CFAP47: variants seen among roughly 807,000 people sequenced by gnomAD.
CFAP47 encodes cilia- and flagella-associated protein 47.
CFAP47 carries 29 observed loss-of-function variants against 148.1 expected under a neutral mutation model. The observed-to-expected ratio is 0.20, with a 90% CI of 0.15 to 0.27. CFAP47 has a LOEUF of 0.27. Ranked by LOEUF, CFAP47 falls within the 10% of genes least tolerant of loss-of-function variation. The probability of loss-of-function intolerance (pLI) is 1.00; values close to 1 mark genes in which losing one functional copy is unlikely to be tolerated. For missense variants in CFAP47, 1,872 were observed against 1,697.5 expected, an observed-to-expected ratio of 1.10 and a Z score of -1.81; for synonymous variants, 664 against 577.3, an observed-to-expected ratio of 1.15 and a Z score of -2.15.
chrX:36,102,951 T>A (rs184656709), intron 32 of CFAP47, among the ~76,000 whole-genome samples: 64 of 111,981 alleles, frequency 5.7e-4, no homozygotes, highest in African/African-American at 1.9e-3. Flanking sequence ...TGGATTTTTT[T>A]AATCAAATTT....
chrX:36,026,055 T>C (rs1937212622), intron 22 of CFAP47, among the ~76,000 whole-genome samples: 1 of 111,990 alleles, frequency 8.9e-6, no homozygotes, highest in African/African-American at 3.2e-5. Context: ...AAAGTACATA[T>C]GTAACGCATT....
At chrX:36,153,187 A>G (rs758091652) in intron 37 of CFAP47, among the ~76,000 whole-genome samples, 110 of 112,196 alleles carry the variant, frequency 9.8e-4, no homozygotes, top group African/African-American at 3.5e-3. Flanking sequence ...CCAAAATACA[A>G]TGATGGAATA....
intron 24 of CFAP47, 102 bp downstream of exon 24, chrX:36,035,956 CTTT>C (rs1475541735): frequency 3.8e-6 from 1 of 264,508 alleles, no homozygotes; most frequent in African/African-American, 2.8e-5. Flanking sequence ...TTTGTTATTT[CTTT>C]TAATTTGAAT....
intron 51 of CFAP47, among the ~76,000 whole-genome samples, chrX:36,295,398 G>T (rs782006273): frequency 1.8e-5 from 2 of 112,294 alleles, no homozygotes; most frequent in South Asian, 3.7e-4. Context: ...TTCTCATTTA[G>T]TAAGAGTTCT....
intron 44 of CFAP47, among the ~76,000 whole-genome samples, chrX:36,201,845 G>A (rs1240880331): frequency 1.8e-5 from 2 of 110,495 alleles, no homozygotes; most frequent in South Asian, 3.9e-4. Flanking sequence ...ATCACTAGGA[G>A]GGGGTGGGTA....
At chrX:36,130,145 T>C (rs773867910) in intron 33 of CFAP47, among the ~76,000 whole-genome samples, 1 of 110,568 alleles carries the variant, frequency 9.0e-6, no homozygotes, top group African/African-American at 3.3e-5. Flanking sequence ...CCCACAGAAA[T>C]GGGAGAAAAC....
intron 62 of CFAP47, among the ~76,000 whole-genome samples, chrX:36,372,003 T>C (rs1371028749): frequency 2.9e-5 from 3 of 103,960 alleles, no homozygotes; most frequent in Non-Finnish European, 4.0e-5. Context: ...TGTGTATATA[T>C]GTGTGTATCT....
Position 36,274,472 on chromosome X carries a change from A to G in CFAP47, c.7445-6015A>G, listed in dbSNP as rs1190735952. ...TGTCAACTTATGATATTTTCAACTT[A>G]TGATCATTTTACCAGGATATAAGCC... On this transcript the variant is annotated intron_variant, in intron 49 of 63. Transcript: ENST00000378653. Among the ~76,000 whole-genome samples, 4 of 111,617 alleles carry G rather than the reference A, an allele frequency of 3.6e-5. No individual in the cohort carries two copies. The Admixed American group carries it at 3.8e-4, about 11-fold the overall frequency.
chrX:35,937,828 A>T (rs2146628019), intron 2 of CFAP47, among the ~76,000 whole-genome samples: 1 of 111,425 alleles, frequency 9.0e-6, no homozygotes, highest in East Asian at 2.8e-4. Flanking sequence ...TCAGACATGT[A>T]ATGAACCTTC....
intron 33 of CFAP47, among the ~76,000 whole-genome samples, chrX:36,109,018 C>G (rs987567839): frequency 1.4e-4 from 16 of 111,001 alleles, no homozygotes; most frequent in African/African-American, 4.6e-4. Context: ...GTGTTCTCAT[C>G]ATTTAGCTCC....
intron 52 of CFAP47, among the ~76,000 whole-genome samples, chrX:36,300,350 C>T (rs1263437370): frequency 9.3e-6 from 1 of 107,841 alleles, no homozygotes; most frequent in Non-Finnish European, 1.9e-5. Context: ...AGTGCAGTGG[C>T]GTGATCTCAG....
chrX:36,296,672 C>A (rs782052423), intron 51 of CFAP47, among the ~76,000 whole-genome samples: 1 of 112,122 alleles, frequency 8.9e-6, no homozygotes, highest in Admixed American at 9.5e-5. Context: ...TTCTGTTGAA[C>A]GGACACTGAT....
At chrX:36,072,457 G>C (rs1937773785) in intron 28 of CFAP47, among the ~76,000 whole-genome samples, 2 of 112,008 alleles carry the variant, frequency 1.8e-5, no homozygotes, top group South Asian at 3.7e-4. Flanking sequence ...GTCTTAGAAA[G>C]AGGTCAGCAC....
At chrX:36,072,701 T>C (rs1400523243) in intron 28 of CFAP47, among the ~76,000 whole-genome samples, 1 of 111,895 alleles carries the variant, frequency 8.9e-6, no homozygotes, top group Non-Finnish European at 1.9e-5. Context: ...GAAAATGCTT[T>C]GTTTTATTCA....
chrX:36,289,131 G>A (rs1361921933), intron 51 of CFAP47, among the ~76,000 whole-genome samples: 1 of 106,670 alleles, frequency 9.4e-6, no homozygotes, highest in Non-Finnish European at 1.9e-5. Flanking sequence ...CTCCTGAGTA[G>A]CTGGGATTAC....
At chrX:36,084,952 G>A (rs1938053325) in intron 29 of CFAP47, among the ~76,000 whole-genome samples, 1 of 111,216 alleles carries the variant, frequency 9.0e-6, no homozygotes, top group African/African-American at 3.3e-5. Flanking sequence ...TTTATATCAT[G>A]CAAAATTGAG....
chrX:36,018,441 TTAGAGGAAGGCTTTCAGTTTGATACTA>T (rs1937121214), intron 22 of CFAP47, among the ~76,000 whole-genome samples: 1 of 112,220 alleles, frequency 8.9e-6, no homozygotes, highest in South Asian at 3.7e-4. Flanking sequence ...GTTTCATATC[TTAGAGGAAGGCTTTCAGTTTGATACTA>T]TCTGTGGGTC....
chrX:36,061,435 A>G (rs1937593199), intron 26 of CFAP47, among the ~76,000 whole-genome samples: 1 of 112,236 alleles, frequency 8.9e-6, no homozygotes, highest in African/African-American at 3.2e-5. Flanking sequence ...GTCTGGCAAC[A>G]TAATGAATGA....
At chrX:36,095,097 T>G (rs971891821) in intron 30 of CFAP47, among the ~76,000 whole-genome samples, 4 of 111,764 alleles carry the variant, frequency 3.6e-5, no homozygotes, top group Non-Finnish European at 7.6e-5. Flanking sequence ...GATGTTAAAT[T>G]TTATCAAATA....
Sources: allele counts gnomAD v4.1 joint callset (sites outside exome capture counted in the v4.1 genomes callset), GRCh38; gene constraint gnomAD v4.1.1; transcripts MANE v1.5; gene names NCBI Gene and HGNC (gene_info 2026-07-23, HGNC 2026-07-21).